The following FGF13 variants were observed in gnomAD, a reference collection of about 807,000 sequenced individuals.
FGF13 encodes the protein fibroblast growth factor homologous factor 2.
A neutral mutation model predicts 19.5 loss-of-function variants in FGF13; 2 were observed. That is an observed-to-expected ratio of 0.10 (90% CI 0.04 to 0.32). FGF13 has a LOEUF of 0.32. Ranked by LOEUF, FGF13 falls within the 10% of genes least tolerant of loss-of-function variation. FGF13 has a pLI of 1.00. For synonymous variants in FGF13, 72 were observed against 76.9 expected (o/e 0.94, Z 0.33); for missense variants, 113 against 192.7 (o/e 0.59, Z 2.45).
chrX:138,709,057 T>C (rs764072481), intron 1 of FGF13, 129 bp from the exon 2 acceptor site: 1 of 388,052 alleles, frequency 2.6e-6, no homozygotes, highest in African/African-American at 2.5e-5. Flanking sequence ...TTTTAAGGTG[T>C]CTGGAAGAAA....
intron 1 of FGF13, among the ~76,000 whole-genome samples, chrX:138,733,259 T>C (rs1037274080): frequency 1.8e-5 from 2 of 111,800 alleles, no homozygotes; most frequent in African/African-American, 3.2e-5. Context: ...CTAAATCTTT[T>C]TGTGTTATTT....
chrX:138,810,997 G>C (rs2090918634), intron 3 of FGF13, among the ~76,000 whole-genome samples: 1 of 111,993 alleles, frequency 8.9e-6, no homozygotes, highest in Admixed American at 9.4e-5. Context: ...ACTGTTGGTG[G>C]GACTGTAAAC....
At chrX:138,937,598 C>T (rs374924192) in intron 1 of FGF13, among the ~76,000 whole-genome samples, 1 of 112,315 alleles carries the variant, frequency 8.9e-6, no homozygotes, top group African/African-American at 3.2e-5. Context: ...AATGTATACA[C>T]ATTTTTCTAG....
intron 1 of FGF13, among the ~76,000 whole-genome samples, chrX:138,878,421 G>A (rs1175692572): frequency 9.5e-6 from 1 of 104,953 alleles, no homozygotes. Context: ...TTGTCCTTGC[G>A]ATAGTTTGCT....
In FGF13 at chrX:139,035,975, G is replaced by A. The variant is rs144199431; in HGVS notation, c.-113+167441C>T. 7.0e-4 allele frequency among the ~76,000 whole-genome samples: 78 copies of A among 112,030 alleles called. 1 individual carries two copies. In the East Asian group the frequency reaches 7.4e-3, roughly 11 times the overall value. ...ATTTAAAGCATTAGAGATAGGAAGTGTTCTTAGTTTGCCAAGGGACCAGTA... is the reference window on the plus strand; with the variant it reads ...ATTTAAAGCATTAGAGATAGGAAGTATTCTTAGTTTGCCAAGGGACCAGTA... On this transcript the variant is annotated intron_variant, in intron 1 of 2. Coordinates refer to the FGF13 transcript ENST00000421460.
chrX:138,925,069 A>C (rs2091665905), intron 1 of FGF13, among the ~76,000 whole-genome samples: 1 of 111,680 alleles, frequency 9.0e-6, no homozygotes, highest in Non-Finnish European at 1.9e-5. Context: ...AGTTTGAAGA[A>C]TATGTGGAAA....
intron 3 of FGF13, among the ~76,000 whole-genome samples, chrX:138,814,655 T>G (rs1000047601): frequency 1.8e-5 from 2 of 111,289 alleles, no homozygotes; most frequent in African/African-American, 6.5e-5. Flanking sequence ...AATGAGATAC[T>G]ACTTGATACC....
chrX:138,710,674 T>C, intron 1 of FGF13, 143 bp downstream of exon 1: 1 of 1,039,524 alleles, frequency 9.6e-7, no homozygotes, highest in Non-Finnish European at 1.3e-6. Flanking sequence ...AGCCAGCGCC[T>C]TCCCACGCAC....
chrX:139,190,174 A>C (rs73243319), intron 1 of FGF13, among the ~76,000 whole-genome samples: 6,751 of 111,861 alleles, frequency 0.06, 190 homozygotes, highest in Non-Finnish European at 0.085. Context: ...GTTTCAACCA[A>C]AGAATGCCAT....
At chrX:139,195,400 T>C (rs2084364037) in intron 1 of FGF13, among the ~76,000 whole-genome samples, 1 of 112,428 alleles carries the variant, frequency 8.9e-6, no homozygotes, top group Non-Finnish European at 1.9e-5. Context: ...CAATTCTCAA[T>C]ACTTTCAAAG....
At chrX:138,843,973 T>C (rs181283633) in intron 3 of FGF13, among the ~76,000 whole-genome samples, 104 of 111,812 alleles carry the variant, frequency 9.3e-4, no homozygotes, top group African/African-American at 3.3e-3. Flanking sequence ...CCTAATTACA[T>C]AGACTCTATA....
intron 1 of FGF13, among the ~76,000 whole-genome samples, chrX:139,031,762 T>C (rs1197269061): frequency 9.3e-6 from 1 of 108,018 alleles, no homozygotes; most frequent in Non-Finnish European, 1.9e-5. Context: ...GTATGGTAAA[T>C]CAAGAAGCCT....
intron 3 of FGF13, among the ~76,000 whole-genome samples, chrX:138,699,420 C>G (rs888755337): frequency 9.0e-6 from 1 of 111,308 alleles, no homozygotes; most frequent in Admixed American, 9.6e-5. Context: ...AAAGAATCCT[C>G]AGTCTTCCTC....
intron 3 of FGF13, among the ~76,000 whole-genome samples, chrX:138,842,800 T>C (rs1183199999): frequency 1.8e-5 from 2 of 111,089 alleles, no homozygotes; most frequent in Non-Finnish European, 3.8e-5. Context: ...AACAGAATTA[T>C]CTAGCCCCAA....
At chrX:138,996,581 C>CG (rs780323118) in intron 1 of FGF13, among the ~76,000 whole-genome samples, 1 of 112,844 alleles carries the variant, frequency 8.9e-6, no homozygotes, top group East Asian at 2.8e-4. Flanking sequence ...GAAGTTCAAA[C>CG]TGGGTGGAGC....
intron 3 of FGF13, among the ~76,000 whole-genome samples, chrX:138,790,087 T>C (rs1316212393): frequency 5.3e-5 from 5 of 93,782 alleles, no homozygotes; most frequent in African/African-American, 2.0e-4. Context: ...CACACACACA[T>C]GCTGGCACCA....
intron 1 of FGF13, among the ~76,000 whole-genome samples, chrX:139,063,872 T>C (rs1167866115): frequency 9.0e-6 from 1 of 111,673 alleles, no homozygotes; most frequent in African/African-American, 3.3e-5. Context: ...TTAACCATTT[T>C]GTTATTCAAA....
intron 1 of FGF13, among the ~76,000 whole-genome samples, chrX:139,029,437 A>T (rs971590153): frequency 8.9e-6 from 1 of 112,056 alleles, no homozygotes; most frequent in African/African-American, 3.2e-5. Flanking sequence ...TCCTCTAGGA[A>T]ATTTTACTGC....
chrX:138,698,865 C>T (rs999832722), intron 3 of FGF13, among the ~76,000 whole-genome samples: 17 of 111,724 alleles, frequency 1.5e-4, no homozygotes, highest in Non-Finnish European at 1.1e-4. Context: ...TGCAACTATT[C>T]AACTCTGCTG....
Sources: allele counts gnomAD v4.1 joint callset (sites outside exome capture counted in the v4.1 genomes callset), GRCh38; gene constraint gnomAD v4.1.1; transcripts MANE v1.5; gene names NCBI Gene and HGNC (gene_info 2026-07-23, HGNC 2026-07-21).